SMYD3: variants seen among roughly 807,000 people sequenced by gnomAD.
SMYD3 encodes histone-lysine N-methyltransferase SMYD3.
A neutral mutation model predicts 57.7 loss-of-function variants in SMYD3; 36 were observed. The observed-to-expected ratio is 0.62, with a 90% CI of 0.48 to 0.82. SMYD3 has a LOEUF of 0.82. Ranked by LOEUF, SMYD3 falls within the 40% of genes least tolerant of loss-of-function variation. SMYD3 has a pLI of 0.00. For synonymous variants in SMYD3, 211 were observed against 195.0 expected, an observed-to-expected ratio of 1.08 and a Z score of -0.68; for missense variants, 515 against 538.8, an observed-to-expected ratio of 0.96 and a Z score of 0.44.
chr1:246,092,474 C>A (rs1364163403), intron 5 of SMYD3, among the ~76,000 whole-genome samples: 1 of 152,126 alleles, frequency 6.6e-6, no homozygotes, highest in Non-Finnish European at 1.5e-5. Flanking sequence ...TACGGTCAAC[C>A]CATTTTTGAC....
intron 5 of SMYD3, among the ~76,000 whole-genome samples, chr1:245,948,724 G>A (rs1425843191): frequency 3.3e-5 from 5 of 152,130 alleles, no homozygotes; most frequent in African/African-American, 1.2e-4. Context: ...TCCTGCTGCT[G>A]CCAGGGCTGA....
At chr1:246,108,356 G>A (rs2061168278) in intron 5 of SMYD3, among the ~76,000 whole-genome samples, 1 of 152,186 alleles carries the variant, frequency 6.6e-6, no homozygotes, top group Admixed American at 6.5e-5. Flanking sequence ...GTTACGCTAT[G>A]AATACAGGTA....
intron 5 of SMYD3, among the ~76,000 whole-genome samples, chr1:246,003,086 A>G (rs1038252671): frequency 5.3e-5 from 8 of 152,246 alleles, no homozygotes; most frequent in African/African-American, 1.9e-4. Context: ...AGGATTGGTG[A>G]GCAGGGAAGA....
At chr1:245,797,456 G>A (rs569121487) in intron 10 of SMYD3, among the ~76,000 whole-genome samples, 1 of 148,674 alleles carries the variant, frequency 6.7e-6, no homozygotes, top group Non-Finnish European at 1.5e-5. Flanking sequence ...TGTTCTCACT[G>A]ATAGGTGGGA....
intron 8 of SMYD3, among the ~76,000 whole-genome samples, chr1:245,904,819 G>A (rs974098101): frequency 6.6e-6 from 1 of 151,742 alleles, no homozygotes; most frequent in Non-Finnish European, 1.5e-5. Flanking sequence ...ACAGCACCTG[G>A]CTCCAAAAGA....
chr1:246,459,524 C>T (rs2067763511), intron 1 of SMYD3, among the ~76,000 whole-genome samples: 1 of 152,268 alleles, frequency 6.6e-6, no homozygotes. Context: ...TGGCACGTCC[C>T]CCTTCACTCT....
intron 1 of SMYD3, among the ~76,000 whole-genome samples, chr1:246,500,308 A>G (rs2068437805): frequency 6.6e-6 from 1 of 152,182 alleles, no homozygotes; most frequent in Non-Finnish European, 1.5e-5. Flanking sequence ...TAGTCTTCCA[A>G]TGAGGAAATC....
intron 5 of SMYD3, chr1:245,930,164 A>T: frequency 1.7e-3 from 37 of 22,056 alleles, no homozygotes; most frequent in Non-Finnish European, 0.012. Context: ...CTCCTGGGAG[A>T]AAAAAAAAAA....
At chr1:245,798,100 T>TAAAA (rs111383177) in intron 10 of SMYD3, among the ~76,000 whole-genome samples, 31 of 151,672 alleles carry the variant, frequency 2.0e-4, no homozygotes, top group African/African-American at 6.8e-4. Context: ...TTTTTTTTTT[T>TAAAA]AAAATATGCA....
At chr1:246,005,580 C>T (rs888059467) in intron 5 of SMYD3, among the ~76,000 whole-genome samples, 1 of 152,168 alleles carries the variant, frequency 6.6e-6, no homozygotes. Context: ...CTCCTCTCAG[C>T]TGGAATACAG....
chr1:246,080,619 T>C (rs999832023), intron 5 of SMYD3, among the ~76,000 whole-genome samples: 6 of 152,142 alleles, frequency 3.9e-5, no homozygotes, highest in African/African-American at 1.4e-4. Flanking sequence ...AAAAGAACTA[T>C]TATTATTGTA....
intron 8 of SMYD3, among the ~76,000 whole-genome samples, chr1:245,883,946 GA>G (rs1339364669): frequency 6.6e-6 from 1 of 152,086 alleles, no homozygotes; most frequent in African/African-American, 2.4e-5. Context: ...AAAGTTTCAT[GA>G]TTTTTTTTCC....
rs539666690 is a variant in SMYD3 at position 246,151,568 on chromosome 1, C to G, written c.531+175633G>C. ...AAATAAAAAACTCTTTGAAAAGGAC[C>G]TAGCCTATAGTGTCACATTCAGCAT... On this transcript the variant is annotated intron_variant, in intron 5 of 11. Coordinates refer to ENST00000490107, the MANE Select transcript of SMYD3 (RefSeq NM_001167740.2). 2.0e-4 allele frequency among the ~76,000 whole-genome samples: 31 copies of G among 152,282 alleles called. No individual in the cohort carries two copies. The South Asian group carries it at 2.3e-3, about 11-fold the overall frequency.
chr1:246,243,987 A>G (rs1410048449), intron 5 of SMYD3, among the ~76,000 whole-genome samples: 4 of 100,888 alleles, frequency 4.0e-5, no homozygotes, highest in Middle Eastern at 4.1e-3. Context: ...ATATGTGTAT[A>G]TACATATATA....
At chr1:246,459,281 CT>C (rs1558474580) in intron 1 of SMYD3, among the ~76,000 whole-genome samples, 1 of 144,784 alleles carries the variant, frequency 6.9e-6, no homozygotes, top group African/African-American at 2.6e-5. Context: ...CTCAAGAGAT[CT>C]TGTTATTTGA....
At chr1:246,332,818 T>C (rs559319254) in intron 3 of SMYD3, among the ~76,000 whole-genome samples, 1 of 152,232 alleles carries the variant, frequency 6.6e-6, no homozygotes, top group African/African-American at 2.4e-5. Context: ...AAAACATACA[T>C]ACATACATAA....
At chr1:246,241,590 G>C (rs754831336) in intron 5 of SMYD3, among the ~76,000 whole-genome samples, 50 of 152,310 alleles carry the variant, frequency 3.3e-4, no homozygotes, top group South Asian at 1.2e-3. Flanking sequence ...TTTGGTATCA[G>C]GATGATGATG....
chr1:246,408,959 CGCACCCA>C (rs2066915317), intron 1 of SMYD3, among the ~76,000 whole-genome samples: 1 of 152,152 alleles, frequency 6.6e-6, no homozygotes, highest in South Asian at 2.1e-4. Flanking sequence ...CGTGAGCCAC[CGCACCCA>C]GCCAAGTCTT....
chr1:246,444,272 T>C (rs573940543), intron 1 of SMYD3, among the ~76,000 whole-genome samples: 10 of 147,554 alleles, frequency 6.8e-5, no homozygotes, highest in East Asian at 5.8e-4. Context: ...ATTACAGGCA[T>C]GTGCCACCAC....
Sources: allele counts gnomAD v4.1 joint callset (sites outside exome capture counted in the v4.1 genomes callset), GRCh38; gene constraint gnomAD v4.1.1; transcripts MANE v1.5; gene names NCBI Gene and HGNC (gene_info 2026-07-23, HGNC 2026-07-21).